CACNB4: variants seen among roughly 807,000 people sequenced by gnomAD.
The protein encoded by CACNB4 is voltage-dependent L-type calcium channel subunit beta-4.
Under a neutral mutation model 71.2 loss-of-function variants are expected in CACNB4, and 32 were observed. The ratio of observed to expected loss-of-function variants is 0.45; its 90% CI spans 0.34 to 0.60. CACNB4 has a LOEUF of 0.60. CACNB4 is among the 20% of genes least tolerant of loss of function. CACNB4 has a pLI of 0.01. For missense variants in CACNB4, 464 were observed against 647.9 expected (o/e 0.72, Z 3.08); for synonymous variants, 231 against 236.9 (o/e 0.97, Z 0.23).
chr2:152,077,944 A>G (rs1053390224), intron 2 of CACNB4, among the ~76,000 whole-genome samples: 1 of 152,176 alleles, frequency 6.6e-6, no homozygotes, highest in African/African-American at 2.4e-5. Context: ...TTTTAAAAAG[A>G]TAACTCTGGC....
In CACNB4 at chr2:152,098,579, CA is replaced by C; in HGVS notation, c.64-167del. ...CCCAAATACAGCCCCCACCCCCACCCACCCACTGCAAGCCTCGACTGCTGAA... is the reference window on the plus strand; with the variant it reads ...CCCAAATACAGCCCCCACCCCCACCCCCCACTGCAAGCCTCGACTGCTGAA... On this transcript the variant is annotated intron_variant, in intron 1 of 13. Transcript: ENST00000539935. The surrounding 1 kb of genome is among the most constrained non-coding windows in gnomAD (Gnocchi z 5.3). 2 of 943,700 alleles carry C rather than the reference CA, an allele frequency of 2.1e-6. No individual in the cohort carries two copies. Among genetic ancestry groups the C allele is most frequent in the African/African-American group, 1.6e-5 (1 of 61,804 alleles). The allele number at this position is 943,700 out of a possible 1,614,324, so 58.5% of individuals were successfully genotyped here.
chr2:152,069,676 G>A (rs1330174928), intron 2 of CACNB4, among the ~76,000 whole-genome samples: 1 of 151,852 alleles, frequency 6.6e-6, no homozygotes, highest in African/African-American at 2.4e-5. Flanking sequence ...GAAACTCTCA[G>A]GTGATCTTGT....
chr2:152,039,004 C>T (rs973941813), intron 2 of CACNB4, among the ~76,000 whole-genome samples: 7 of 152,104 alleles, frequency 4.6e-5, no homozygotes, highest in Non-Finnish European at 8.8e-5. Context: ...TCATTGCTTG[C>T]TTAGTTAATA....
Position 151,838,928 on chromosome 2 carries a change from G to C in CACNB4, c.*191C>G. 2 of 474,048 alleles carry C rather than the reference G, an allele frequency of 4.2e-6. No individual in the cohort carries two copies. The highest frequency in any genetic ancestry group is 7.4e-5 in the Admixed American group (2 of 27,034). The allele number at this position is 474,048 out of a possible 1,614,324, so 29.4% of individuals were successfully genotyped here. ...TGCACTTAAAAATATCTATATGATC[G>C]GGCATCTAATATCCATCTAGACTCA... On this transcript the variant is annotated 3_prime_UTR_variant, in exon 14 of 14. Transcript: ENST00000539935.
chr2:151,874,665 T>C (rs972790028), intron 5 of CACNB4, among the ~76,000 whole-genome samples: 3 of 152,076 alleles, frequency 2.0e-5, no homozygotes, highest in African/African-American at 7.2e-5. Context: ...ACACAGGAGT[T>C]TTTTGAAATA....
chr2:151,848,546 T>C (rs1221060212), intron 12 of CACNB4, among the ~76,000 whole-genome samples: 6 of 152,148 alleles, frequency 3.9e-5, no homozygotes, highest in Admixed American at 3.9e-4. Flanking sequence ...GCTCCAGAAT[T>C]CTTGTGTTTC....
Position 151,908,357 on chromosome 2 carries a change from A to G in CACNB4, c.148-24987T>C, listed in dbSNP as rs544640039. Among the ~76,000 whole-genome samples, 6 of 152,374 alleles carry G rather than the reference A, an allele frequency of 3.9e-5. No individual in the cohort carries two copies. The South Asian group carries it at 1.2e-3, about 32-fold the overall frequency. ...TGCAGAGACTATTCTGAAGGCAAAG[A>G]AAAGCTGACCATTTTGCTTGATGAT... On this transcript the variant is annotated intron_variant, in intron 2 of 13. Coordinates refer to ENST00000539935, the MANE Select transcript of CACNB4 (RefSeq NM_000726.5).
intron 2 of CACNB4, among the ~76,000 whole-genome samples, chr2:152,023,135 G>C (rs1464420295): frequency 1.3e-5 from 2 of 151,982 alleles, no homozygotes; most frequent in Non-Finnish European, 2.9e-5. Context: ...GAAGGGGGAA[G>C]AGAGAGAGCA....
intron 2 of CACNB4, among the ~76,000 whole-genome samples, chr2:152,025,236 G>A (rs1427389284): frequency 6.6e-6 from 1 of 152,098 alleles, no homozygotes; most frequent in Non-Finnish European, 1.5e-5. Flanking sequence ...TCTTTCATAT[G>A]TGTAAATTAA....
chr2:152,044,556 T>C (rs1026384525), intron 2 of CACNB4, among the ~76,000 whole-genome samples: 3 of 152,160 alleles, frequency 2.0e-5, no homozygotes, highest in African/African-American at 7.2e-5. Context: ...CTATATAAAA[T>C]CTACAACACA....
chr2:152,095,304 C>A (rs1688205893), intron 2 of CACNB4, among the ~76,000 whole-genome samples: 1 of 152,120 alleles, frequency 6.6e-6, no homozygotes, highest in Middle Eastern at 3.4e-3. Flanking sequence ...TGCATGCACA[C>A]ATATGTGCAT....
chr2:151,967,415 C>T (rs1341687166), intron 2 of CACNB4: 1 of 151,894 alleles, frequency 6.6e-6, no homozygotes, highest in Non-Finnish European at 1.5e-5. Context: ...ATACAAAGTA[C>T]AAAAAGTAAA....
At chr2:151,945,632 C>CA in intron 2 of CACNB4, among the ~76,000 whole-genome samples, 1 of 152,192 alleles carries the variant, frequency 6.6e-6, no homozygotes, top group Admixed American at 6.5e-5. Context: ...GCCTAGGTGA[C>CA]AGAGTGAAAC....
intron 2 of CACNB4, among the ~76,000 whole-genome samples, chr2:152,070,913 A>G (rs1490868153): frequency 2.0e-5 from 3 of 152,156 alleles, no homozygotes; most frequent in Non-Finnish European, 4.4e-5. Context: ...GACTACAGGC[A>G]CACACCATCA....
intron 2 of CACNB4, among the ~76,000 whole-genome samples, chr2:152,055,223 G>A (rs919980020): frequency 1.3e-5 from 2 of 152,182 alleles, no homozygotes; most frequent in Non-Finnish European, 2.9e-5. Context: ...TGTTGGCCAG[G>A]CTGGTCTGGA....
intron 13 of CACNB4, 180 bp downstream of exon 13, chr2:151,841,723 T>A: frequency 1.8e-6 from 1 of 540,862 alleles, no homozygotes; most frequent in Non-Finnish European, 3.2e-6. Flanking sequence ...AAATTGTCAG[T>A]CTCTGGGTAG....
chr2:152,058,164 A>G (rs753784445), intron 2 of CACNB4, among the ~76,000 whole-genome samples: 14 of 152,190 alleles, frequency 9.2e-5, no homozygotes, highest in Admixed American at 2.0e-4. Flanking sequence ...CTCCTCAGCC[A>G]TGCAGAACTG....
At chr2:151,874,364 A>G (rs1407026749) in intron 5 of CACNB4, among the ~76,000 whole-genome samples, 1 of 151,862 alleles carries the variant, frequency 6.6e-6, no homozygotes, top group African/African-American at 2.4e-5. Context: ...GCTACTCAGG[A>G]GGTTGAGTCA....
intron 11 of CACNB4, chr2:151,854,265 C>T (rs1033214993): frequency 7.9e-5 from 12 of 152,346 alleles, no homozygotes; most frequent in African/African-American, 2.9e-4. Context: ...CTCTCCTGCA[C>T]TGCAGTGAAG....
Sources: gnomAD v4.1 joint callset for allele counts (sites outside exome capture counted in the v4.1 genomes callset) on GRCh38, gnomAD v4.1.1 for gene constraint, Gnocchi (gnomAD v3.1) non-coding constraint, MANE v1.5 for transcripts, NCBI Gene and HGNC (gene_info 2026-07-23, HGNC 2026-07-21) for gene names.